PTPRD: variants seen among roughly 807,000 people sequenced by gnomAD.
The protein encoded by PTPRD is protein tyrosine phosphatase receptor type D.
In PTPRD, 34 loss-of-function variants were observed where a neutral mutation model predicts 214.5. The ratio of observed to expected loss-of-function variants is 0.16; its 90% CI spans 0.12 to 0.21. The LOEUF is 0.21. Ranked by LOEUF, PTPRD falls within the 10% of genes least tolerant of loss-of-function variation. The pLI, the probability that PTPRD is intolerant of heterozygous loss-of-function variation, is 1.00. For missense variants in PTPRD, 2,545 were observed against 2,398.7 expected, an observed-to-expected ratio of 1.06 and a Z score of -1.27; for synonymous variants, 1,128 against 845.7, an observed-to-expected ratio of 1.33 and a Z score of -5.79.
At chr9:9,871,351 G>C (rs1032166978) in intron 5 of PTPRD, among the ~76,000 whole-genome samples, 7 of 152,162 alleles carry the variant, frequency 4.6e-5, no homozygotes, top group Non-Finnish European at 8.8e-5. Context: ...ATCCTTCTGA[G>C]AAGTTTAATT....
At chr9:10,167,875 G>C (rs1326890892) in intron 3 of PTPRD, among the ~76,000 whole-genome samples, 1 of 152,142 alleles carries the variant, frequency 6.6e-6, no homozygotes. Context: ...ATAGCTGTAA[G>C]AGTTCATACT....
At chr9:8,426,326 A>C (rs1590100691) in intron 35 of PTPRD, among the ~76,000 whole-genome samples, 2 of 152,156 alleles carry the variant, frequency 1.3e-5, no homozygotes, top group African/African-American at 4.8e-5. Flanking sequence ...CAAAATATGA[A>C]CCTTGTTTTC....
intron 4 of PTPRD, among the ~76,000 whole-genome samples, chr9:9,966,926 C>T (rs1450253127): frequency 2.0e-5 from 3 of 152,132 alleles, no homozygotes; most frequent in African/African-American, 4.8e-5. Context: ...TAAATACTGC[C>T]TCTGTGAATT....
intron 7 of PTPRD, among the ~76,000 whole-genome samples, chr9:9,576,458 G>C (rs1485914207): frequency 6.6e-6 from 1 of 151,844 alleles, no homozygotes; most frequent in Non-Finnish European, 1.5e-5. Context: ...AGCAAGGATA[G>C]AGATGATTTC....
intron 11 of PTPRD, among the ~76,000 whole-genome samples, chr9:8,805,563 A>T (rs1240828670): frequency 2.6e-5 from 4 of 151,838 alleles, no homozygotes; most frequent in African/African-American, 9.7e-5. Context: ...TTTGATATCA[A>T]TGCTATAATT....
intron 11 of PTPRD, among the ~76,000 whole-genome samples, chr9:8,940,605 TA>T (rs1406733987): frequency 1.3e-5 from 2 of 151,804 alleles, no homozygotes; most frequent in African/African-American, 2.4e-5. Context: ...GCACATCTCT[TA>T]AAAAGGTTAT....
intron 2 of PTPRD, among the ~76,000 whole-genome samples, chr9:10,440,649 C>T (rs1201623046): frequency 1.3e-5 from 2 of 151,706 alleles, no homozygotes; most frequent in Non-Finnish European, 2.9e-5. Flanking sequence ...GCAGACCAAA[C>T]TTGAAAGCAA....
At chr9:10,034,407 CTTT>C (rs56827836) in intron 3 of PTPRD, among the ~76,000 whole-genome samples, 3 of 89,540 alleles carry the variant, frequency 3.4e-5, no homozygotes, top group African/African-American at 1.3e-4. Context: ...CCTGGCTCTA[CTTT>C]TTTTTTTTTT....
intron 3 of PTPRD, among the ~76,000 whole-genome samples, chr9:10,082,569 G>A (rs541630406): frequency 6.6e-6 from 1 of 151,960 alleles, no homozygotes; most frequent in African/African-American, 2.4e-5. Flanking sequence ...AAGGCAGAGA[G>A]GTGAAGTTAT....
intron 2 of PTPRD, among the ~76,000 whole-genome samples, chr9:10,347,755 G>A (rs1031409754): frequency 6.6e-6 from 1 of 151,706 alleles, no homozygotes; most frequent in Non-Finnish European, 1.5e-5. Context: ...TTATTTGCTA[G>A]CTATTTTGAA....
At chr9:10,027,146 G>A (rs1290318232) in intron 4 of PTPRD, among the ~76,000 whole-genome samples, 1 of 152,046 alleles carries the variant, frequency 6.6e-6, no homozygotes, top group Non-Finnish European at 1.5e-5. Flanking sequence ...ACACTTGGGG[G>A]GAAATGTCTG....
chr9:9,404,133 G>T (rs1206227821), intron 8 of PTPRD, among the ~76,000 whole-genome samples: 1 of 152,016 alleles, frequency 6.6e-6, no homozygotes, highest in African/African-American at 2.4e-5. Flanking sequence ...GAGGTAGGTG[G>T]CCAGATTAAG....
At position 9,759,127 on chromosome 9, in the gene PTPRD, T is replaced by C. The variant is rs193106734; in HGVS notation, c.-326+7683A>G. On this transcript the variant is annotated intron_variant, in intron 6 of 45. Transcript: ENST00000381196. ...CAAAAATAACTTATTCCTTAATTTC[T>C]ATCTTTGAGCAAGCAGGTCCCTAGC... Among the ~76,000 whole-genome samples the C allele has an allele frequency of 1.6e-3, 242 of 152,316 alleles. 1 individual carries two copies. The highest frequency in any genetic ancestry group is 5.5e-3 in the African/African-American group (227 of 41,568).
chr9:9,552,317 C>G (rs1432094856), intron 8 of PTPRD, among the ~76,000 whole-genome samples: 2 of 151,838 alleles, frequency 1.3e-5, no homozygotes, highest in Non-Finnish European at 2.9e-5. Context: ...ATTGTTTTTG[C>G]TTTTGTTGGA....
intron 9 of PTPRD, among the ~76,000 whole-genome samples, chr9:9,276,045 G>C (rs1945509636): frequency 6.6e-6 from 1 of 151,304 alleles, no homozygotes; most frequent in Non-Finnish European, 1.5e-5. Context: ...CAGCCCTAGA[G>C]GGAAAGTAGG....
chr9:9,944,077 A>G (rs1210720364), intron 4 of PTPRD, among the ~76,000 whole-genome samples: 1 of 152,170 alleles, frequency 6.6e-6, no homozygotes, highest in Non-Finnish European at 1.5e-5. Flanking sequence ...TGGTAAATAC[A>G]GAGGAGAAAG....
intron 5 of PTPRD, among the ~76,000 whole-genome samples, chr9:9,813,431 A>G (rs983819272): frequency 2.6e-5 from 4 of 152,056 alleles, no homozygotes; most frequent in Non-Finnish European, 4.4e-5. Flanking sequence ...ATTAGAAATG[A>G]AAGAGAAGAT....
chr9:9,046,532 T>C (rs1253169936), intron 10 of PTPRD, among the ~76,000 whole-genome samples: 1 of 152,202 alleles, frequency 6.6e-6, no homozygotes, highest in Non-Finnish European at 1.5e-5. Context: ...TTTATGCACA[T>C]TTTGTTACTA....
intron 5 of PTPRD, among the ~76,000 whole-genome samples, chr9:9,848,305 TG>T (rs2059920729): frequency 6.6e-6 from 1 of 152,104 alleles, no homozygotes. Flanking sequence ...TATCTTAGCT[TG>T]GGGGTTGTAA....
Sources: allele counts gnomAD v4.1 joint callset (sites outside exome capture counted in the v4.1 genomes callset), GRCh38; gene constraint gnomAD v4.1.1; transcripts MANE v1.5; gene names NCBI Gene and HGNC (gene_info 2026-07-23, HGNC 2026-07-21).